The following MITF variants were observed in gnomAD, a reference collection of about 807,000 sequenced individuals.
The protein encoded by MITF is microphthalmia-associated transcription factor.
A neutral mutation model predicts 60.5 loss-of-function variants in MITF; 17 were observed. That is an observed-to-expected ratio of 0.28 (90% CI 0.19 to 0.42). MITF has a LOEUF of 0.42. MITF is among the 10% of genes least tolerant of loss of function. The pLI is 1.00. For synonymous variants in MITF, 260 were observed against 248.5 expected (o/e 1.05, Z -0.43); for missense variants, 622 against 683.5 (o/e 0.91, Z 1.00).
chr3:69,792,998 CTTTTTTTT>C (rs58440406), intron 1 of MITF, among the ~76,000 whole-genome samples: 19 of 31,092 alleles, frequency 6.1e-4, no homozygotes, highest in African/African-American at 2.0e-3. Context: ...AAGTCTTTAG[CTTTTTTTT>C]TTTTTTTTTT....
intron 1 of MITF, among the ~76,000 whole-genome samples, chr3:69,870,438 A>T (rs140089615): frequency 0.013 from 1,848 of 141,638 alleles, 24 homozygotes; most frequent in African/African-American, 0.014. Flanking sequence ...ATATATATAT[A>T]TATTTTTTTT....
chr3:69,845,438 C>CTTTTTTTTTT (rs202135701), intron 1 of MITF, among the ~76,000 whole-genome samples: 17 of 133,666 alleles, frequency 1.3e-4, no homozygotes, highest in East Asian at 2.1e-4. Flanking sequence ...TTTCTTTTTT[C>CTTTTTTTTTT]TTTCTTTTTT....
At chr3:69,741,263 C>G (rs561719659) in intron 1 of MITF, among the ~76,000 whole-genome samples, 20 of 152,186 alleles carry the variant, frequency 1.3e-4, no homozygotes, top group Non-Finnish European at 2.4e-4. Flanking sequence ...TATCTGCATT[C>G]GGCTGAAGGG....
intron 1 of MITF, among the ~76,000 whole-genome samples, chr3:69,826,598 G>T (rs2063358783): frequency 6.6e-6 from 1 of 152,142 alleles, no homozygotes; most frequent in East Asian, 1.9e-4. Context: ...CAAGCTTGGA[G>T]TTAGACAACT....
intron 1 of MITF, among the ~76,000 whole-genome samples, chr3:69,782,815 G>A (rs886823987): frequency 6.6e-6 from 1 of 152,034 alleles, no homozygotes; most frequent in South Asian, 2.1e-4. Context: ...GTAAATCTAG[G>A]AATATTTAAT....
intron 2 of MITF, among the ~76,000 whole-genome samples, chr3:69,922,280 G>A: frequency 6.6e-6 from 1 of 152,096 alleles, no homozygotes; most frequent in East Asian, 1.9e-4. Context: ...GGAGTGCGGT[G>A]GCACAATCTC....
chr3:69,794,565 G>A (rs533816812), intron 1 of MITF, among the ~76,000 whole-genome samples: 10 of 152,212 alleles, frequency 6.6e-5, no homozygotes, highest in Admixed American at 5.9e-4. Flanking sequence ...CATTTTAATC[G>A]TGGTAGCTTG....
intron 2 of MITF, among the ~76,000 whole-genome samples, chr3:69,926,548 G>A (rs2065593214): frequency 6.6e-6 from 1 of 152,066 alleles, no homozygotes; most frequent in Non-Finnish European, 1.5e-5. Context: ...CAAACAATGG[G>A]GGCATTTGAG....
At chr3:69,937,398 G>T (rs1353721272) in intron 2 of MITF, among the ~76,000 whole-genome samples, 1 of 151,284 alleles carries the variant, frequency 6.6e-6, no homozygotes, top group Non-Finnish European at 1.5e-5. Flanking sequence ...GTGTGTGTGT[G>T]TGTGTGTTTT....
At chr3:69,747,911 T>A (rs9828760) in intron 1 of MITF, among the ~76,000 whole-genome samples, 1,898 of 152,280 alleles carry the variant, frequency 0.012, 32 homozygotes, top group African/African-American at 0.044. Flanking sequence ...CCTAAGTAAT[T>A]GAGGATTAAA....
chr3:69,826,587 A>G (rs1408654931), intron 1 of MITF, among the ~76,000 whole-genome samples: 1 of 152,218 alleles, frequency 6.6e-6, no homozygotes, highest in Admixed American at 6.5e-5. Context: ...GGTTGAAGAC[A>G]CAAGCTTGGA....
intron 1 of MITF, among the ~76,000 whole-genome samples, chr3:69,813,483 A>ATCATATATTTTT (rs1559646532): frequency 6.6e-6 from 1 of 152,202 alleles, no homozygotes; most frequent in African/African-American, 2.4e-5. Context: ...ACTGCTGGAA[A>ATCATATATTTTT]GACCTAGGCC....
intron 7 of MITF, among the ~76,000 whole-genome samples, chr3:69,954,135 G>A (rs2066339057): frequency 6.6e-6 from 1 of 152,164 alleles, no homozygotes; most frequent in Non-Finnish European, 1.5e-5. Flanking sequence ...AAAATAAAAT[G>A]TAGTACACCT....
chr3:69,858,922 G>A (rs888664949), intron 1 of MITF, among the ~76,000 whole-genome samples: 1 of 152,122 alleles, frequency 6.6e-6, no homozygotes, highest in African/African-American at 2.4e-5. Context: ...CGCTCCTTGT[G>A]TCACCTTGAT....
At chr3:69,768,967 G>C (rs1213192270) in intron 1 of MITF, among the ~76,000 whole-genome samples, 1 of 152,198 alleles carries the variant, frequency 6.6e-6, no homozygotes, top group South Asian at 2.1e-4. Flanking sequence ...GCAATAGCTT[G>C]TTGAGACTAA....
At position 69,923,584 on chromosome 3, in the gene MITF, A is replaced by G. The variant is rs113525720; in HGVS notation, c.355-14238A>G. On this transcript the variant is annotated intron_variant, in intron 2 of 9. Transcript: ENST00000352241. ...TGATCGGCCTGCCTTGGCCTCCCAG[A>G]GTGCTGGGATTACAGGCATGAGTCA... Among the ~76,000 whole-genome samples the G allele has an allele frequency of 3.5e-4, 54 of 152,322 alleles. No individual in the cohort carries two copies. The South Asian group carries it at 5.4e-3, about 15-fold the overall frequency.
intron 1 of MITF, among the ~76,000 whole-genome samples, chr3:69,779,445 A>G (rs888816708): frequency 1.1e-4 from 17 of 152,230 alleles, no homozygotes; most frequent in African/African-American, 3.6e-4. Flanking sequence ...TGTGAACTCC[A>G]TGTTGGAGAA....
intron 1 of MITF, among the ~76,000 whole-genome samples, chr3:69,752,551 A>T (rs9850776): frequency 0.012 from 1,884 of 152,292 alleles, 29 homozygotes; most frequent in African/African-American, 0.043. Flanking sequence ...CTTGAGAGTG[A>T]TGATTTAGGG....
chr3:69,940,039 C>A (rs956081979), intron 4 of MITF, among the ~76,000 whole-genome samples: 1 of 152,136 alleles, frequency 6.6e-6, no homozygotes, highest in South Asian at 2.1e-4. Context: ...TTTTAGGGGT[C>A]ATTAATAAGA....
Sources: gnomAD v4.1 joint callset for allele counts (sites outside exome capture counted in the v4.1 genomes callset) on GRCh38, gnomAD v4.1.1 for gene constraint, MANE v1.5 for transcripts, NCBI Gene and HGNC (gene_info 2026-07-23, HGNC 2026-07-21) for gene names.